Variants in PRKCE observed in about 807,000 individuals in gnomAD.
The protein encoded by PRKCE is protein kinase C epsilon type.
In PRKCE, 16 loss-of-function variants were observed where a neutral mutation model predicts 85.4. The observed-to-expected ratio is 0.19, with a 90% CI of 0.13 to 0.28. The LOEUF (loss-of-function observed/expected upper bound fraction) is 0.28, where lower values mean the gene tolerates loss of function less well. Among genes scored for constraint, PRKCE ranks in the 10% least tolerant of loss-of-function variants. PRKCE has a pLI of 1.00. For synonymous variants in PRKCE, 388 were observed against 371.5 expected (o/e 1.04, Z -0.51); for missense variants, 573 against 975.2 (o/e 0.59, Z 5.49).
At chr2:45,655,874 TA>T (rs1675357584) in intron 1 of PRKCE, among the ~76,000 whole-genome samples, 1 of 104,342 alleles carries the variant, frequency 9.6e-6, no homozygotes. Context: ...AAAAAAAAGG[TA>T]GGGAGAACTG....
rs1675325453 is a variant in PRKCE at position 46,139,726 on chromosome 2, A to G, written c.1593-5367A>G. On this transcript the variant is annotated intron_variant, in intron 11 of 14. Transcript: ENST00000306156. The surrounding 1 kb of genome is among the most constrained non-coding windows in gnomAD (Gnocchi z 5.2). ...TATATATATACATATATACATATAC[A>G]TATATATCTAGAGAGAGAGAGAGAG... is the stretch of plus-strand genomic sequence containing the variant. 6.6e-6 allele frequency among the ~76,000 whole-genome samples: 1 copy of G among 151,626 alleles called. No homozygotes were observed. Among genetic ancestry groups the G allele is most frequent in the South Asian group, 2.1e-4 (1 of 4,810 alleles).
At chr2:45,658,555 A>G (rs1407402132) in intron 1 of PRKCE, among the ~76,000 whole-genome samples, 1 of 152,230 alleles carries the variant, frequency 6.6e-6, no homozygotes, top group Non-Finnish European at 1.5e-5. Context: ...GACTTTGAGC[A>G]TGTGACTTAG....
chr2:45,684,045 G>C (rs1231232556), intron 1 of PRKCE, among the ~76,000 whole-genome samples: 1 of 152,190 alleles, frequency 6.6e-6, no homozygotes, highest in Admixed American at 6.5e-5. Context: ...CTTGGTGTTT[G>C]CTGGTAGGAG....
intron 1 of PRKCE, among the ~76,000 whole-genome samples, chr2:45,701,697 G>T (rs1433346586): frequency 6.6e-6 from 1 of 152,166 alleles, no homozygotes; most frequent in African/African-American, 2.4e-5. Flanking sequence ...GTTCACCCAG[G>T]CATGGCCCCA....
intron 10 of PRKCE, among the ~76,000 whole-genome samples, chr2:46,058,392 T>G (rs1285594357): frequency 1.3e-5 from 2 of 152,358 alleles, no homozygotes; most frequent in Non-Finnish European, 2.9e-5. Context: ...AAACGTCATG[T>G]TCCCAAAGGA....
Position 46,085,734 on chromosome 2 carries a change from CCGTTTTTTTTTTT to C in PRKCE, c.1438-473_1438-461del, listed in dbSNP as rs1558437327. 1.1e-3 allele frequency among the ~76,000 whole-genome samples: 99 copies of C among 92,586 alleles called. 11 individuals carry two copies. In the East Asian group the frequency reaches 0.011, roughly 10 times the overall value. 60.7% of individuals were successfully genotyped at this position (92,586 alleles called of 152,430 possible). On this transcript the variant is annotated intron_variant, in intron 10 of 14. Coordinates refer to ENST00000306156, the MANE Select transcript of PRKCE (RefSeq NM_005400.3). ...CTTCACTTAATTACATCTGCAAAAT[CCGTTTTTTTTTTT>C]TGTTTTTGTTTTTTTTTTTTTTTTT...
chr2:45,869,081 T>A (rs1201650400), intron 2 of PRKCE, among the ~76,000 whole-genome samples: 2 of 152,214 alleles, frequency 1.3e-5, no homozygotes, highest in Non-Finnish European at 2.9e-5. Context: ...GTGCATGGGT[T>A]TTCTTGACTT....
chr2:46,090,013 C>T (rs1170925042), intron 11 of PRKCE, among the ~76,000 whole-genome samples: 1 of 152,080 alleles, frequency 6.6e-6, no homozygotes, highest in Non-Finnish European at 1.5e-5. Flanking sequence ...TAAAAAAATA[C>T]AGATCCTATA....
At chr2:45,970,289 G>A (rs935323912) in intron 2 of PRKCE, among the ~76,000 whole-genome samples, 1 of 152,072 alleles carries the variant, frequency 6.6e-6, no homozygotes, top group Non-Finnish European at 1.5e-5. Context: ...AAACTGTTTT[G>A]CTTTGCATTT....
At chr2:46,113,194 A>G (rs1672436438) in intron 11 of PRKCE, among the ~76,000 whole-genome samples, 1 of 152,182 alleles carries the variant, frequency 6.6e-6, no homozygotes, top group Non-Finnish European at 1.5e-5. Context: ...TAATTACCCT[A>G]AATACATAGT....
At chr2:45,668,942 G>A (rs950453133) in intron 1 of PRKCE, among the ~76,000 whole-genome samples, 19 of 152,274 alleles carry the variant, frequency 1.2e-4, no homozygotes, top group African/African-American at 4.6e-4. Flanking sequence ...ACTAGAATGG[G>A]ACTCAGACCT....
chr2:45,955,655 A>G (rs149476517), intron 2 of PRKCE, among the ~76,000 whole-genome samples: 35 of 152,308 alleles, frequency 2.3e-4, no homozygotes, highest in African/African-American at 5.1e-4. Context: ...GCTCATCTCA[A>G]AAACAAACCC....
At chr2:45,662,547 A>C (rs1675719136) in intron 1 of PRKCE, among the ~76,000 whole-genome samples, 1 of 152,022 alleles carries the variant, frequency 6.6e-6, no homozygotes, top group Non-Finnish European at 1.5e-5. Context: ...CTGTAAAGGC[A>C]CCTGTTAACA....
chr2:45,886,821 G>A (rs1420429273), intron 2 of PRKCE, among the ~76,000 whole-genome samples: 2 of 152,176 alleles, frequency 1.3e-5, no homozygotes, highest in African/African-American at 4.8e-5. Context: ...TGTGGGAAAA[G>A]GTCCCTCTTT....
At chr2:46,182,477 C>T (rs1249010147) in intron 14 of PRKCE, among the ~76,000 whole-genome samples, 1 of 152,100 alleles carries the variant, frequency 6.6e-6, no homozygotes, top group Non-Finnish European at 1.5e-5. Context: ...ACCAAACCAC[C>T]CGGCTTTCCC....
chr2:46,153,767 C>CTCT (rs1348236879), intron 13 of PRKCE, among the ~76,000 whole-genome samples: 2 of 148,608 alleles, frequency 1.3e-5, no homozygotes, highest in Non-Finnish European at 3.0e-5. Flanking sequence ...CCTCCTCTTC[C>CTCT]TCTTCTTCTT....
rs142366817 is a variant in PRKCE at position 46,174,699 on chromosome 2, T to A, written c.2068-10036T>A. Among the ~76,000 whole-genome samples, 289 of 152,020 alleles carry A rather than the reference T, an allele frequency of 1.9e-3. 1 individual carries two copies. The highest frequency in any genetic ancestry group is 6.7e-3 in the African/African-American group (276 of 41,458). On this transcript the variant is annotated intron_variant, in intron 14 of 14. Transcript: ENST00000306156. Reference sequence around the variant, plus strand: ...GAAAAGGAGATATGATGCTTTTTAATTTTTTTTGAGATAAGATCTGGCACT... The same window carrying A: ...GAAAAGGAGATATGATGCTTTTTAAATTTTTTTGAGATAAGATCTGGCACT...
chr2:46,159,843 G>A lies in PRKCE; in HGVS notation c.2067+91G>A. On this transcript the variant is annotated intron_variant, in intron 14 of 14. Transcript: ENST00000306156. The surrounding 1 kb of genome is among the most constrained non-coding windows in gnomAD (Gnocchi z 4.1). ...GTGCACCCAGGAAGAGTTGGTCAGG[G>A]GATGCGTATTACAGTAAAAATGACA... 6.6e-7 allele frequency: 1 copy of A among 1,511,752 alleles called. No homozygotes were observed. The highest frequency in any genetic ancestry group is 1.2e-5 in the South Asian group (1 of 84,414). 93.6% of individuals were successfully genotyped at this position (1,511,752 alleles called of 1,614,324 possible).
intron 1 of PRKCE, among the ~76,000 whole-genome samples, chr2:45,689,901 C>CAA (rs559521203): frequency 8.5e-5 from 7 of 82,008 alleles, no homozygotes; most frequent in African/African-American, 1.7e-4. Context: ...GACTCCATCT[C>CAA]AAAAAAAAAA....
Sources: allele counts gnomAD v4.1 joint callset (sites outside exome capture counted in the v4.1 genomes callset), GRCh38; gene constraint gnomAD v4.1.1; non-coding constraint Gnocchi (gnomAD v3.1); transcripts MANE v1.5; gene names NCBI Gene and HGNC (gene_info 2026-07-23, HGNC 2026-07-21).